The following PUS1 variants were observed in gnomAD, a reference collection of about 807,000 sequenced individuals.
The protein encoded by PUS1 is pseudouridylate synthase 1 homolog.
In PUS1, 25 loss-of-function variants were observed where a neutral mutation model predicts 38.5. The ratio of observed to expected loss-of-function variants is 0.65; its 90% CI spans 0.47 to 0.91. The LOEUF (loss-of-function observed/expected upper bound fraction) is 0.91. Ranked by LOEUF, PUS1 falls within the 40% of genes least tolerant of loss-of-function variation. The pLI is 0.00. For missense variants in PUS1, 597 were observed against 612.3 expected (o/e 0.97, Z 0.26); for synonymous variants, 282 against 260.4 (o/e 1.08, Z -0.80).
At chr12:131,940,556 T>C (rs559409230) in intron 4 of PUS1, among the ~76,000 whole-genome samples, 1 of 152,162 alleles carries the variant, frequency 6.6e-6, no homozygotes, top group East Asian at 1.9e-4. Flanking sequence ...CTGTTGATTT[T>C]ACCCACTGTT....
In PUS1 at chr12:131,932,182, T is replaced by A. The variant is rs1334900934; in HGVS notation, c.311T>A (p.Val104Asp). Residue 104 changes from valine (V) to aspartate (D), a missense_variant, in exon 3 of 6, where the codon GTC becomes GAC. Val to Asp is a radical substitution (Grantham distance 152, BLOSUM62 -3). Coordinates refer to ENST00000376649, the MANE Select transcript of PUS1 (RefSeq NM_025215.6). ...TTTGTCTCCTTTTTCCAGAGGAATG[T>A]CGGGTCCTCACAATTCAAAACAATT... Reference protein sequence around the residue: ...GKGYHGMQRNVGSSQFKTIED... With the variant: ...GKGYHGMQRNDGSSQFKTIED... 1 of 1,613,964 alleles carries A rather than the reference T, an allele frequency of 6.2e-7. No individual in the cohort carries two copies. The highest frequency in any genetic ancestry group is 8.5e-7 in the Non-Finnish European group (1 of 1,179,958).
Position 131,929,594 on chromosome 12 carries a change from C to T in PUS1, c.-129C>T. On this transcript the variant is annotated 5_prime_UTR_variant, in exon 1 of 6. Coordinates refer to ENST00000376649, the MANE Select transcript of PUS1 (RefSeq NM_025215.6). Reference sequence around the variant, plus strand: ...GCTGGGGCGCCGGTTTCCCGGAGGTCAGGGGTCAGAAGGAACAGGGCTGCA... The same window carrying T: ...GCTGGGGCGCCGGTTTCCCGGAGGTTAGGGGTCAGAAGGAACAGGGCTGCA... 1.3e-6 allele frequency: 1 copy of T among 785,338 alleles called. No individual in the cohort carries two copies. Among genetic ancestry groups the T allele is most frequent in the Non-Finnish European group, 1.9e-6 (1 of 533,084 alleles). The allele number at this position is 785,338 out of a possible 1,614,324, so 48.6% of individuals were successfully genotyped here.
In PUS1 at chr12:131,930,055, G is replaced by T; in HGVS notation, c.223G>T (p.Glu75Ter). ...PAKKLKSGGD[E>*]ERREKPPKRK... The stretch of plus-strand genomic sequence containing the variant: ...GAAGAAGCTCAAGAGCGGTGGCGAC[G>T]AGGAGCGGCGCGAGAAGCCGCCCAA... The change falls in exon 2 of 6, where the codon GAG becomes TAG. Residue 75 changes from glutamate (E) to a stop codon, truncating the protein, a stop_gained. Coordinates refer to ENST00000376649, the MANE Select transcript of PUS1 (RefSeq NM_025215.6). LOFTEE classifies it high-confidence loss of function. 6.9e-7 allele frequency: 1 copy of T among 1,440,926 alleles called. No individual in the cohort carries two copies. The highest frequency in any genetic ancestry group is 9.1e-7 in the Non-Finnish European group (1 of 1,097,646). 89.3% of individuals were successfully genotyped at this position (1,440,926 alleles called of 1,614,324 possible). A position where few individuals can be genotyped will look rare whatever the true frequency, so the allele number is the denominator to read the frequency against.
Position 131,943,669 on chromosome 12 carries a change from G to C in PUS1, c.*83G>C. 8.9e-7 allele frequency: 1 copy of C among 1,124,646 alleles called. No homozygotes were observed. Among genetic ancestry groups the C allele is most frequent in the Non-Finnish European group, 1.3e-6 (1 of 741,644 alleles). 69.7% of individuals were successfully genotyped at this position (1,124,646 alleles called of 1,614,324 possible). Reference sequence around the variant, plus strand: ...GTGCCACCCCTGTGGGCAGCAAGAAGCTGGGATCGCTGCAGCCATGTTTTC... The same window carrying C: ...GTGCCACCCCTGTGGGCAGCAAGAACCTGGGATCGCTGCAGCCATGTTTTC... On this transcript the variant is annotated 3_prime_UTR_variant, in exon 6 of 6. Transcript: ENST00000376649.
chr12:131,935,428 G>T (rs898166811), intron 3 of PUS1, among the ~76,000 whole-genome samples: 1 of 152,210 alleles, frequency 6.6e-6, no homozygotes, highest in Non-Finnish European at 1.5e-5. Context: ...TTTCTCACTT[G>T]TATGGGGAAA....
chr12:131,943,144 G>A lies in PUS1; in HGVS notation c.1237-395G>A, dbSNP rs879376296. Among the ~76,000 whole-genome samples, 26 of 152,372 alleles carry A rather than the reference G, an allele frequency of 1.7e-4. 1 individual carries two copies. Among genetic ancestry groups the A allele is most frequent in the Admixed American group, 1.5e-3 (23 of 15,302 alleles). On this transcript the variant is annotated intron_variant, in intron 5 of 5. Transcript: ENST00000376649. ...CTGGTAGTTAATTTTTCCCAAGCCC[G>A]GTGCAGGCTAAATACAGCGCAGGTG... is the stretch of plus-strand genomic sequence containing the variant.
At position 131,941,512 on chromosome 12, in the gene PUS1, G is replaced by A; in HGVS notation, c.765G>A (p.Gln255=). Residue 255 remains glutamine (Q), a synonymous_variant, in exon 5 of 6, where the codon CAG becomes CAA. Coordinates refer to ENST00000376649, the MANE Select transcript of PUS1 (RefSeq NM_025215.6). This position sits in a 1 kb window ranked among gnomAD's most constrained non-coding sequence, Gnocchi z 4.4. The part of the protein sequence containing the change: ...FHNFTSQKGP[Q]DPSACRYILE... ...ATTTCACCTCGCAGAAGGGGCCGCA[G>A]GATCCCAGTGCCTGCCGCTACATCC... 1 of 1,614,168 alleles carries A rather than the reference G, an allele frequency of 6.2e-7. No homozygotes were observed. The highest frequency in any genetic ancestry group is 8.5e-7 in the Non-Finnish European group (1 of 1,179,986).
intron 5 of PUS1, among the ~76,000 whole-genome samples, chr12:131,942,249 T>C (rs1051289804): frequency 3.3e-5 from 5 of 152,166 alleles, no homozygotes; most frequent in Non-Finnish European, 7.4e-5. Context: ...GGACCTGGCA[T>C]GGAGCATAAT....
At chr12:131,933,887 T>C (rs1890715348) in intron 3 of PUS1, among the ~76,000 whole-genome samples, 2 of 152,166 alleles carry the variant, frequency 1.3e-5, no homozygotes, top group Non-Finnish European at 2.9e-5. Flanking sequence ...AACCTGATAG[T>C]GGCCCCAAAT....
rs756343091 is a variant in PUS1, at chr12:131,942,464, T to G, written c.1236+481T>G. Among the ~76,000 whole-genome samples the G allele has an allele frequency of 1.0e-3, 154 of 152,206 alleles. 1 individual carries two copies. The highest frequency in any genetic ancestry group is 1.7e-3 in the Non-Finnish European group (119 of 68,002). On this transcript the variant is annotated intron_variant, in intron 5 of 5. Coordinates refer to ENST00000376649, the MANE Select transcript of PUS1 (RefSeq NM_025215.6). Reference sequence around the variant, plus strand: ...TTCTGTCACCCAGGCTGGAGTGCAGTGGCGCGATCTCGGCTCACTGCAAGC... The same window carrying G: ...TTCTGTCACCCAGGCTGGAGTGCAGGGGCGCGATCTCGGCTCACTGCAAGC...
intron 4 of PUS1, among the ~76,000 whole-genome samples, chr12:131,940,775 T>G (rs568889540): frequency 6.6e-5 from 10 of 152,052 alleles, no homozygotes; most frequent in Non-Finnish European, 1.5e-4. Context: ...AGAGATGGTG[T>G]TTCACCATGT....
In PUS1 at chr12:131,944,585, C is replaced by CT. The variant is rs938770324; in HGVS notation, c.*1000dup. ...TCCCGAGGCAGGGCTGTGGAGGGCA[C>CT]TGAAGCAGGGGCCCCGCTGACCTGC... On this transcript the variant is annotated 3_prime_UTR_variant, in exon 6 of 6. Coordinates refer to ENST00000376649, the MANE Select transcript of PUS1 (RefSeq NM_025215.6). 9 of 152,358 alleles carry CT rather than the reference C, an allele frequency of 5.9e-5. No homozygotes were observed. The highest frequency in any genetic ancestry group is 1.4e-4 in the African/African-American group (6 of 41,468). 9.4% of individuals were successfully genotyped at this position (152,358 alleles called of 1,614,324 possible).
chr12:131,930,794 T>A (rs1258315571), intron 2 of PUS1, among the ~76,000 whole-genome samples: 5 of 151,870 alleles, frequency 3.3e-5, no homozygotes, highest in Non-Finnish European at 7.4e-5. Context: ...GCCTGAATAA[T>A]TTTTTTTATA....
At chr12:131,931,819 C>A (rs1890613985) in intron 2 of PUS1, 1 of 503,246 alleles carries the variant, frequency 2.0e-6, no homozygotes, top group East Asian at 3.4e-5. Flanking sequence ...GTGTGAGCCA[C>A]TGCACCTGGC....
chr12:131,930,230 G>A, intron 2 of PUS1, 95 bp downstream of exon 2: 1 of 778,378 alleles, frequency 1.3e-6, no homozygotes. Context: ...AGGTGCAGGA[G>A]CGGTCGCCCA....
chr12:131,944,564 G>A lies in PUS1; in HGVS notation c.*978G>A, dbSNP rs1196100982. ...ATCCTGCACTCTGCAGGGTGGTCCC[G>A]AGGCAGGGCTGTGGAGGGCACTGAA... is the stretch of plus-strand genomic sequence containing the variant. On this transcript the variant is annotated 3_prime_UTR_variant, in exon 6 of 6. Coordinates refer to ENST00000376649, the MANE Select transcript of PUS1 (RefSeq NM_025215.6). 1 of 152,126 alleles carries A rather than the reference G, an allele frequency of 6.6e-6. No individual in the cohort carries two copies. Among genetic ancestry groups the A allele is most frequent in the Non-Finnish European group, 1.5e-5 (1 of 68,086 alleles). The allele number at this position is 152,126 out of a possible 1,614,324, so 9.4% of individuals were successfully genotyped here. A position where few individuals can be genotyped will look rare whatever the true frequency, so the allele number is the denominator to read the frequency against.
chr12:131,940,268 C>T (rs779240789), intron 4 of PUS1, among the ~76,000 whole-genome samples: 40 of 152,160 alleles, frequency 2.6e-4, no homozygotes, highest in Non-Finnish European at 5.0e-4. Flanking sequence ...TAGGCTCAAT[C>T]AGTTTACCTG....
chr12:131,942,080 TC>T, intron 5 of PUS1, 97 bp downstream of exon 5: 1 of 1,143,938 alleles, frequency 8.7e-7, no homozygotes, highest in Non-Finnish European at 1.3e-6. Flanking sequence ...GTGTGTCACT[TC>T]CCCGCAAGGC....
At chr12:131,942,473 C>T (rs1433313281) in intron 5 of PUS1, among the ~76,000 whole-genome samples, 5 of 152,040 alleles carry the variant, frequency 3.3e-5, no homozygotes, top group Non-Finnish European at 7.4e-5. Flanking sequence ...GTGGCGCGAT[C>T]TCGGCTCACT....
Sources: allele counts gnomAD v4.1 joint callset (sites outside exome capture counted in the v4.1 genomes callset), GRCh38; gene constraint gnomAD v4.1.1; non-coding constraint Gnocchi (gnomAD v3.1); transcripts MANE v1.5; gene names NCBI Gene and HGNC (gene_info 2026-07-23, HGNC 2026-07-21).